The following CEP120 variants were observed in gnomAD, a reference collection of about 807,000 sequenced individuals.
CEP120 encodes centrosomal protein 120.
Under a neutral mutation model 126.5 loss-of-function variants are expected in CEP120, and 113 were observed. The ratio of observed to expected loss-of-function variants is 0.89; its 90% CI spans 0.77 to 1.04. CEP120 has a LOEUF of 1.04. Among genes scored for constraint, CEP120 ranks in the 50% least tolerant of loss-of-function variants. CEP120 has a pLI of 0.00. For synonymous variants in CEP120, 400 were observed against 394.3 expected, an observed-to-expected ratio of 1.01 and a Z score of -0.17; for missense variants, 1,230 against 1,155.7, an observed-to-expected ratio of 1.06 and a Z score of -0.93.
At chr5:123,372,341 G>C (rs891104614) in intron 17 of CEP120, among the ~76,000 whole-genome samples, 2 of 152,074 alleles carry the variant, frequency 1.3e-5, no homozygotes, top group Non-Finnish European at 2.9e-5. Flanking sequence ...GCTATGCCTT[G>C]CTTTCCCTAT....
intron 3 of CEP120, among the ~76,000 whole-genome samples, chr5:123,414,640 G>A (rs1013126149): frequency 1.3e-5 from 2 of 151,906 alleles, no homozygotes; most frequent in South Asian, 2.1e-4. Flanking sequence ...TTCTAAAGTC[G>A]GTCACATACA....
intron 17 of CEP120, 38 bp from the exon 18 acceptor site, chr5:123,364,632 ACC>A: frequency 1.6e-6 from 2 of 1,221,644 alleles, no homozygotes; most frequent in Non-Finnish European, 2.4e-6. Flanking sequence ...GAAACACTAT[ACC>A]ACTGTGTACA....
chr5:123,407,341 C>G (rs1019404343), intron 4 of CEP120, among the ~76,000 whole-genome samples: 2 of 151,956 alleles, frequency 1.3e-5, no homozygotes, highest in African/African-American at 2.4e-5. Flanking sequence ...AAAACAAGAT[C>G]CAACTATATG....
chr5:123,377,046 A>C (rs919703673), intron 16 of CEP120, among the ~76,000 whole-genome samples: 1 of 152,132 alleles, frequency 6.6e-6, no homozygotes, highest in Admixed American at 6.6e-5. Context: ...AGGAACAGAG[A>C]CAATTCTCTC....
intron 4 of CEP120, chr5:123,402,460 C>T (rs1293097493): frequency 2.5e-6 from 2 of 802,056 alleles, no homozygotes; most frequent in Non-Finnish European, 3.5e-6. Context: ...TGCTCTGTCA[C>T]CCAGGCTGCA....
At chr5:123,405,297 A>C (rs958741971) in intron 4 of CEP120, among the ~76,000 whole-genome samples, 1 of 152,178 alleles carries the variant, frequency 6.6e-6, no homozygotes, top group Non-Finnish European at 1.5e-5. Context: ...GTCACAAGGC[A>C]GCCCCACACT....
chr5:123,392,638 G>C (rs1772480799), intron 6 of CEP120, among the ~76,000 whole-genome samples: 1 of 152,104 alleles, frequency 6.6e-6, no homozygotes, highest in African/African-American at 2.4e-5. Flanking sequence ...ACCCTCCCGA[G>C]TAGTTAAGAT....
rs556589208 is a variant in CEP120 at position 123,368,223 on chromosome 5, ATT to A, written c.2482-3631_2482-3630del. ...GATATTACCTAGTCAACCAGTCTGT[ATT>A]CAGGGATGAATAAGATAACACCTCT... On this transcript the variant is annotated intron_variant, in intron 17 of 19. Transcript: ENST00000306467. Among the ~76,000 whole-genome samples, 370 of 152,080 alleles carry A rather than the reference ATT, an allele frequency of 2.4e-3. 4 individuals are homozygous for A. Among genetic ancestry groups the A allele is most frequent in the African/African-American group, 8.5e-3 (354 of 41,538 alleles).
chr5:123,422,828 G>T, intron 1 of CEP120, 122 bp downstream of exon 1: 1 of 953,276 alleles, frequency 1.0e-6, no homozygotes, highest in Non-Finnish European at 1.7e-6. Flanking sequence ...CTTTGAACAA[G>T]TCTGTGGGGA....
chr5:123,360,728 GAA>G (rs1770014772), intron 18 of CEP120, among the ~76,000 whole-genome samples: 1 of 151,616 alleles, frequency 6.6e-6, no homozygotes, highest in Non-Finnish European at 1.5e-5. Flanking sequence ...CAGCAGATAA[GAA>G]AAGTGTATGA....
intron 9 of CEP120, 51 bp downstream of exon 9, chr5:123,388,380 GA>G (rs1772163112): frequency 1.6e-6 from 2 of 1,276,238 alleles, no homozygotes; most frequent in East Asian, 5.2e-5. Context: ...CCAAACACAG[GA>G]AAGTCCTTTC....
At chr5:123,378,893 T>C (rs942689496) in intron 14 of CEP120, among the ~76,000 whole-genome samples, 1 of 151,534 alleles carries the variant, frequency 6.6e-6, no homozygotes, top group Non-Finnish European at 1.5e-5. Context: ...AAGGAGTGAG[T>C]ATACAGAGAG....
chr5:123,418,319 A>C (rs1332136945), intron 2 of CEP120, 40 bp downstream of exon 2: 5 of 1,496,374 alleles, frequency 3.3e-6, no homozygotes, highest in Non-Finnish European at 4.5e-6. Context: ...CCTGAAAAAT[A>C]AGAAACCAAT....
intron 4 of CEP120, among the ~76,000 whole-genome samples, chr5:123,409,165 TGAA>T (rs1773880090): frequency 6.6e-6 from 1 of 151,834 alleles, no homozygotes; most frequent in African/African-American, 2.4e-5. Flanking sequence ...AACAGCCTAA[TGAA>T]GAAAAAAAAA....
At chr5:123,361,327 T>C (rs1770064526) in intron 18 of CEP120, among the ~76,000 whole-genome samples, 1 of 151,838 alleles carries the variant, frequency 6.6e-6, no homozygotes, top group Non-Finnish European at 1.5e-5. Flanking sequence ...CTTGCTGACT[T>C]CATTTACATT....
chr5:123,400,781 T>A, intron 4 of CEP120: 5 of 584,958 alleles, frequency 8.5e-6, no homozygotes, highest in African/African-American at 2.0e-5. Context: ...GGCAGTAAAC[T>A]CCCCCGCGGG....
intron 4 of CEP120, among the ~76,000 whole-genome samples, chr5:123,409,124 T>TC (rs1773877749): frequency 6.6e-6 from 1 of 151,912 alleles, no homozygotes; most frequent in Non-Finnish European, 1.5e-5. Context: ...GGTTCAACAT[T>TC]CAAAAATCAA....
intron 4 of CEP120, among the ~76,000 whole-genome samples, chr5:123,405,550 G>T (rs1330300401): frequency 6.6e-6 from 1 of 152,120 alleles, no homozygotes; most frequent in East Asian, 1.9e-4. Context: ...GCTGCCTCTG[G>T]TCTTCCATGC....
chr5:123,415,825 T>C (rs1305289323), intron 3 of CEP120, among the ~76,000 whole-genome samples, 185 bp downstream of exon 3: 3 of 151,968 alleles, frequency 2.0e-5, no homozygotes, highest in Non-Finnish European at 4.4e-5. Context: ...TGAGCCAAGA[T>C]TGTGCTATTG....
Sources: allele counts gnomAD v4.1 joint callset (sites outside exome capture counted in the v4.1 genomes callset), GRCh38; gene constraint gnomAD v4.1.1; transcripts MANE v1.5; gene names NCBI Gene and HGNC (gene_info 2026-07-23, HGNC 2026-07-21).